PCED1B: variants seen among roughly 807,000 people sequenced by gnomAD.
PCED1B encodes the protein PC-esterase domain-containing protein 1B.
For missense variants in PCED1B, 573 were observed against 573.9 expected, an observed-to-expected ratio of 1.00 and a Z score of 0.02; for synonymous variants, 251 against 246.1, an observed-to-expected ratio of 1.02 and a Z score of -0.19.
At chr12:47,230,488 G>C (rs565373279) in intron 3 of PCED1B, among the ~76,000 whole-genome samples, 1 of 151,964 alleles carries the variant, frequency 6.6e-6, no homozygotes, top group African/African-American at 2.4e-5. Context: ...CTGTTGCCCA[G>C]GCTGGAGTGC....
chr12:47,232,905 T>TTTTA (rs66480040), intron 3 of PCED1B, among the ~76,000 whole-genome samples: 33,509 of 144,160 alleles, frequency 0.23, 4,288 homozygotes, highest in East Asian at 0.31. Context: ...GACCTAGAAA[T>TTTTA]TTTATTTATT....
Position 47,177,818 on chromosome 12 carries a change from G to A in PCED1B, c.-525-38404G>A, listed in dbSNP as rs115642451. 6.5e-3 allele frequency among the ~76,000 whole-genome samples: 992 copies of A among 152,204 alleles called. 8 individuals are homozygous for A. The highest frequency in any genetic ancestry group is 0.023 in the African/African-American group (939 of 41,524). On this transcript the variant is annotated intron_variant, in intron 2 of 3. Transcript: ENST00000546455. ...AAAATACAAAAATTAACCCGGTATG[G>A]TGGCACACACCTGTACTACTCAGGA...
chr12:47,151,788 C>T (rs1448431683), intron 2 of PCED1B, among the ~76,000 whole-genome samples: 1 of 152,092 alleles, frequency 6.6e-6, no homozygotes, highest in Non-Finnish European at 1.5e-5. Context: ...CTATTCAGGC[C>T]TTCACCCAAA....
At chr12:47,169,854 C>CA (rs34644611) in intron 2 of PCED1B, among the ~76,000 whole-genome samples, 31,082 of 112,746 alleles carry the variant, frequency 0.28, 3,854 homozygotes, top group East Asian at 0.45. Context: ...GACCCTGTCT[C>CA]AAAAAAAAAA....
intron 2 of PCED1B, among the ~76,000 whole-genome samples, chr12:47,125,651 T>C (rs1246384066): frequency 1.3e-5 from 2 of 152,078 alleles, no homozygotes; most frequent in African/African-American, 4.8e-5. Context: ...GTGGTATATC[T>C]TTACACTTAT....
intron 1 of PCED1B, among the ~76,000 whole-genome samples, chr12:47,089,163 C>G (rs1290841067): frequency 6.6e-6 from 1 of 151,954 alleles, no homozygotes; most frequent in Non-Finnish European, 1.5e-5. Context: ...AACCAAAAGG[C>G]CAGGCGTGGT....
rs188125777 is a variant in PCED1B at position 47,230,311 on chromosome 12, C to T, written c.-57-4696C>T. Among the ~76,000 whole-genome samples the T allele has an allele frequency of 2.0e-5, 3 of 152,234 alleles. No homozygotes were observed. In the East Asian group the frequency reaches 5.8e-4, roughly 29 times the overall value. On this transcript the variant is annotated intron_variant, in intron 3 of 3. Transcript: ENST00000546455. ...ATGTTTGCCAGGATGGTCTCCATCT[C>T]GTGACCTCGTGATCCTCCTGCCTTG... is the stretch of plus-strand genomic sequence containing the variant.
intron 2 of PCED1B, among the ~76,000 whole-genome samples, chr12:47,136,474 G>A (rs1940376523): frequency 6.6e-6 from 1 of 152,154 alleles, no homozygotes; most frequent in African/African-American, 2.4e-5. Context: ...TAATAAGAAG[G>A]CAGCATGATG....
intron 1 of PCED1B, among the ~76,000 whole-genome samples, chr12:47,082,058 T>C (rs1288160540): frequency 2.0e-5 from 3 of 152,212 alleles, no homozygotes; most frequent in Non-Finnish European, 2.9e-5. Flanking sequence ...GTTTACTAGC[T>C]GGGAGGAAAG....
intron 2 of PCED1B, among the ~76,000 whole-genome samples, chr12:47,145,829 A>G (rs1262443282): frequency 1.3e-5 from 2 of 152,250 alleles, no homozygotes; most frequent in African/African-American, 4.8e-5. Context: ...GCAAGGAGAT[A>G]AATGTTGTTT....
chr12:47,234,176 C>A (rs915315414), intron 3 of PCED1B, among the ~76,000 whole-genome samples: 16 of 152,136 alleles, frequency 1.1e-4, no homozygotes, highest in African/African-American at 3.9e-4. Flanking sequence ...TTAGTAGAGA[C>A]GGGGTTTCTC....
Position 47,235,318 on chromosome 12 carries a change from C to A in PCED1B, c.255C>A (p.Asp85Glu), listed in dbSNP as rs551816468. The change falls in exon 4 of 4, where the codon GAC (aspartate) becomes GAA (glutamate). Residue 85 changes from aspartate to glutamate, a missense_variant. Transcript: ENST00000546455. ...GTGAGGTCCGCGAGTTCCGCTCCGA[C>A]CACCATCTGGTACGTTTTTACTTCC... is the stretch of plus-strand genomic sequence containing the variant. The part of the protein sequence containing the change: ...NYREVREFRS[D>E]HHLVRFYFLT... 1.9e-6 allele frequency: 3 copies of A among 1,613,992 alleles called. No individual in the cohort carries two copies. Among genetic ancestry groups the A allele is most frequent in the Non-Finnish European group, 2.5e-6 (3 of 1,180,054 alleles).
chr12:47,202,594 T>TAAAAAAAAA (rs60769675), intron 2 of PCED1B, among the ~76,000 whole-genome samples: 33 of 66,646 alleles, frequency 5.0e-4, no homozygotes, highest in East Asian at 9.8e-4. Flanking sequence ...TAGACATTAG[T>TAAAAAAAAA]AAAAAAAAAA....
chr12:47,213,117 T>A (rs1943143919), intron 2 of PCED1B, among the ~76,000 whole-genome samples: 1 of 152,226 alleles, frequency 6.6e-6, no homozygotes, highest in Admixed American at 6.5e-5. Flanking sequence ...CAAATCCCAA[T>A]AAGTATTGCC....
chr12:47,193,289 C>T (rs1942502240), intron 2 of PCED1B, among the ~76,000 whole-genome samples: 1 of 152,176 alleles, frequency 6.6e-6, no homozygotes, highest in South Asian at 2.1e-4. Context: ...TGCATTCCGG[C>T]ATCTGACCGT....
At chr12:47,158,731 G>A (rs1941275602) in intron 2 of PCED1B, among the ~76,000 whole-genome samples, 1 of 152,128 alleles carries the variant, frequency 6.6e-6, no homozygotes, top group Non-Finnish European at 1.5e-5. Context: ...TCAGGGTACT[G>A]GGGTGTCCAT....
chr12:47,213,276 A>AT (rs1247123170), intron 2 of PCED1B, among the ~76,000 whole-genome samples: 1 of 152,244 alleles, frequency 6.6e-6, no homozygotes, highest in Non-Finnish European at 1.5e-5. Context: ...CAAATTATTC[A>AT]TTATTCATAT....
chr12:47,127,792 G>C (rs1425738664), intron 2 of PCED1B, among the ~76,000 whole-genome samples: 1 of 152,160 alleles, frequency 6.6e-6, no homozygotes, highest in Admixed American at 6.5e-5. Flanking sequence ...AATGTTCCAT[G>C]TGTATCTGAA....
At chr12:47,162,262 TAA>T (rs142460333) in intron 2 of PCED1B, among the ~76,000 whole-genome samples, 1 of 149,236 alleles carries the variant, frequency 6.7e-6, no homozygotes, top group African/African-American at 2.5e-5. Flanking sequence ...AAAGTATACT[TAA>T]AAAAAAAATA....
Sources: allele counts gnomAD v4.1 joint callset (sites outside exome capture counted in the v4.1 genomes callset), GRCh38; gene constraint gnomAD v4.1.1; transcripts MANE v1.5; gene names NCBI Gene and HGNC (gene_info 2026-07-23, HGNC 2026-07-21).